Variants in MYO1F observed in about 807,000 individuals in gnomAD.
The protein encoded by MYO1F is myosin IF, also known as unconventional myosin-If.
In MYO1F, 60 loss-of-function variants were observed where a neutral mutation model predicts 146.6. The observed-to-expected ratio is 0.41, with a 90% CI of 0.33 to 0.51. The LOEUF (loss-of-function observed/expected upper bound fraction) is 0.51. Ranked by LOEUF, MYO1F falls within the 20% of genes least tolerant of loss-of-function variation. The pLI is 0.25. For synonymous variants in MYO1F, 602 were observed against 602.1 expected (o/e 1.00, Z 0.00); for missense variants, 1,274 against 1,534.3 (o/e 0.83, Z 2.83).
chr19:8,560,927 C>T (rs768958194), intron 1 of MYO1F, among the ~76,000 whole-genome samples: 11 of 151,914 alleles, frequency 7.2e-5, no homozygotes, highest in South Asian at 2.1e-4. Context: ...TTGGTAGAGA[C>T]GGGGTTTCAC....
Position 8,536,171 on chromosome 19 carries a change from C to T in MYO1F, c.2043+81G>A, listed in dbSNP as rs574598368. 4,316 of 1,415,776 alleles carry T rather than the reference C, an allele frequency of 3.0e-3. 15 individuals carry two copies. The highest frequency in any genetic ancestry group is 3.8e-3 in the Non-Finnish European group (3,887 of 1,021,756). 87.7% of individuals were successfully genotyped at this position (1,415,776 alleles called of 1,614,324 possible). ...TCTCAATCTCTGTCTCCCTCTGTCT[C>T]TCTCTCTCTCTCTCAGTCCCTCTCT... On this transcript the variant is annotated intron_variant, in intron 19 of 27. Coordinates refer to ENST00000644032, the MANE Select transcript of MYO1F (RefSeq NM_012335.4).
intron 27 of MYO1F, among the ~76,000 whole-genome samples, chr19:8,522,020 GTTC>G (rs1972076655): frequency 7.8e-6 from 1 of 127,900 alleles, no homozygotes; most frequent in African/African-American, 3.6e-5. Flanking sequence ...GTCAGTCAGG[GTTC>G]TTTTTTTTTT....
chr19:8,525,606 C>G (rs749323853), intron 24 of MYO1F, 44 bp from the exon 25 acceptor site: 1 of 1,527,188 alleles, frequency 6.5e-7, no homozygotes, highest in Admixed American at 1.7e-5. Context: ...ACAGACCACG[C>G]TCTTTGCCCC....
chr19:8,532,188 G>A (rs1023895993), intron 19 of MYO1F, among the ~76,000 whole-genome samples: 1 of 152,048 alleles, frequency 6.6e-6, no homozygotes, highest in Non-Finnish European at 1.5e-5. Context: ...AAAATCTGAT[G>A]TGTAGAACTG....
intron 19 of MYO1F, among the ~76,000 whole-genome samples, chr19:8,532,851 G>A (rs1238118446): frequency 6.8e-6 from 1 of 147,942 alleles, no homozygotes; most frequent in African/African-American, 2.5e-5. Flanking sequence ...TTGTGCGACT[G>A]CACTCCAGCC....
chr19:8,568,064 T>G (rs896599038), intron 1 of MYO1F, among the ~76,000 whole-genome samples: 3 of 152,066 alleles, frequency 2.0e-5, no homozygotes, highest in Non-Finnish European at 4.4e-5. Flanking sequence ...CTGACCATTC[T>G]CTCCCTCTCT....
At position 8,536,364 on chromosome 19, in the gene MYO1F, C is replaced by G. The variant is rs781374288; in HGVS notation, c.1931G>C (p.Arg644Pro). The G allele has an allele frequency of 1.2e-6, 2 of 1,603,324 alleles. No individual in the cohort carries two copies. The highest frequency in any genetic ancestry group is 1.1e-5 in the South Asian group (1 of 90,976). Residue 644 changes from arginine to proline, a missense_variant, in exon 19 of 28, where the codon CGG (arginine) becomes CCG (proline). Arg to Pro is a moderately radical substitution (Grantham distance 103). Coordinates refer to ENST00000644032, the MANE Select transcript of MYO1F (RefSeq NM_012335.4). Reference sequence around the variant, plus strand: ...GCCCTGGCGTTCGTCCCCACGCCACCGCGGCCACGTCTCGGGGGTCAGAAT... The same window carrying G: ...GCCCTGGCGTTCGTCCCCACGCCACGGCGGCCACGTCTCGGGGGTCAGAAT... ...YAILTPETWP[R>P]WRGDERQGVQ...
intron 12 of MYO1F, 142 bp downstream of exon 12, chr19:8,547,894 T>G: frequency 4.0e-6 from 3 of 746,248 alleles, no homozygotes; most frequent in Admixed American, 2.1e-5. Context: ...AGTATCACTA[T>G]GGAGCCTGGG....
Position 8,537,812 on chromosome 19 carries a change from C to G in MYO1F, c.1693-757G>C, listed in dbSNP as rs76290679. ...TGGCGCCGTGATAGTTCACTGTAGC[C>G]TCAGCCTCCTGTGCTCAAGCGATCA... On this transcript the variant is annotated intron_variant, in intron 16 of 27. Transcript: ENST00000644032. Among the ~76,000 whole-genome samples, 1,493 of 152,174 alleles carry G rather than the reference C, an allele frequency of 9.8e-3. 24 individuals carry two copies. The highest frequency in any genetic ancestry group is 0.034 in the African/African-American group (1,404 of 41,502).
intron 14 of MYO1F, chr19:8,544,021 T>G: frequency 2.2e-6 from 1 of 452,646 alleles, no homozygotes; most frequent in Non-Finnish European, 3.9e-6. Flanking sequence ...GCGGTGGCGG[T>G]GGCGGTGGCG....
rs910416049 is a variant in MYO1F, at chr19:8,555,427, G to A, written c.141+232C>T. ...AAAAAGAACAAACAGGGTTGGATCC[G>A]GAATGGGGGAAATGGAACACGCTGG... On this transcript the variant is annotated intron_variant, in intron 2 of 27. Coordinates refer to ENST00000644032, the MANE Select transcript of MYO1F (RefSeq NM_012335.4). 49 of 493,720 alleles carry A rather than the reference G, an allele frequency of 9.9e-5. 1 individual carries two copies. Among genetic ancestry groups the A allele is most frequent in the African/African-American group, 4.6e-4 (23 of 49,842 alleles). The allele number at this position is 493,720 out of a possible 1,614,324, so 30.6% of individuals were successfully genotyped here. A position where few individuals can be genotyped will look rare whatever the true frequency, so the allele number is the denominator to read the frequency against.
chr19:8,540,404 T>G (rs1323747893), intron 15 of MYO1F: 2 of 156,578 alleles, frequency 1.3e-5, no homozygotes, highest in Admixed American at 6.5e-5. Context: ...ACGGATAAAT[T>G]GTACATTTTA....
chr19:8,544,366 C>T lies in MYO1F; in HGVS notation c.1455G>A (p.Ala485=), dbSNP rs546033371. 6.0e-5 allele frequency: 96 copies of T among 1,613,060 alleles called. No homozygotes were observed. In the South Asian group the frequency reaches 8.1e-4, roughly 14 times the overall value. The change falls in exon 14 of 28, where the codon GCG becomes GCA. Residue 485 remains alanine (A), a synonymous_variant. Coordinates refer to ENST00000644032, the MANE Select transcript of MYO1F (RefSeq NM_012335.4). ...TGAAATGCTCGTGGGTCCCCACAGC[C>T]GCCTGCAGCTTCTGCAGCAGTGTCT... ...ADQTLLQKLQ[A]AVGTHEHFNS... is the part of the protein sequence containing the mutation.
rs148371835 is a variant in MYO1F at position 8,575,698 on chromosome 19, C to T, written c.3+1609G>A. Among the ~76,000 whole-genome samples, 933 of 151,596 alleles carry T rather than the reference C, an allele frequency of 6.2e-3. 11 individuals carry two copies. Among genetic ancestry groups the T allele is most frequent in the African/African-American group, 0.021 (875 of 41,448 alleles). On this transcript the variant is annotated intron_variant, in intron 1 of 27. Coordinates refer to ENST00000644032, the MANE Select transcript of MYO1F (RefSeq NM_012335.4). Reference sequence around the variant, plus strand: ...ACTCCTCCAGGAAGATTTCAGCATCCCCAGACAGAGGTGGGTGTCATTTTT... The same window carrying T: ...ACTCCTCCAGGAAGATTTCAGCATCTCCAGACAGAGGTGGGTGTCATTTTT...
In MYO1F at chr19:8,535,151, A is replaced by G. The variant is rs1465149098; in HGVS notation, c.2043+1101T>C. Among the ~76,000 whole-genome samples, 4 of 152,278 alleles carry G rather than the reference A, an allele frequency of 2.6e-5. No homozygotes were observed. The East Asian group carries it at 7.7e-4, about 29-fold the overall frequency. On this transcript the variant is annotated intron_variant, in intron 19 of 27. Coordinates refer to ENST00000644032, the MANE Select transcript of MYO1F (RefSeq NM_012335.4). ...GGTCTCAAACTCCTGACCTCAAGTG[A>G]TCCATCCACCTCAGCCTCCCAAATT... is the stretch of plus-strand genomic sequence containing the variant.
At chr19:8,574,480 C>T (rs375463795) in intron 1 of MYO1F, among the ~76,000 whole-genome samples, 5 of 152,058 alleles carry the variant, frequency 3.3e-5, no homozygotes, top group Admixed American at 6.6e-5. Context: ...GACCATGGAG[C>T]GGGGCATTAG....
chr19:8,552,381 C>A (rs1417831555), intron 6 of MYO1F, among the ~76,000 whole-genome samples: 2 of 152,036 alleles, frequency 1.3e-5, no homozygotes, highest in African/African-American at 2.4e-5. Flanking sequence ...GCCTTAGCCT[C>A]CTGAGTAGCT....
intron 14 of MYO1F, among the ~76,000 whole-genome samples, chr19:8,543,054 C>T (rs556033128): frequency 4.6e-5 from 7 of 152,232 alleles, no homozygotes; most frequent in South Asian, 2.1e-4. Flanking sequence ...CAGGTGCCCA[C>T]GACCACGCCC....
At chr19:8,560,046 A>G (rs1317830381) in intron 1 of MYO1F, among the ~76,000 whole-genome samples, 4 of 151,958 alleles carry the variant, frequency 2.6e-5, no homozygotes, top group African/African-American at 9.6e-5. Context: ...ACTGGCAGCC[A>G]TCATCACACC....
Sources: allele counts gnomAD v4.1 joint callset (sites outside exome capture counted in the v4.1 genomes callset), GRCh38; gene constraint gnomAD v4.1.1; transcripts MANE v1.5; gene names NCBI Gene and HGNC (gene_info 2026-07-23, HGNC 2026-07-21).